The following SHANK2 variants were observed in gnomAD, a reference collection of about 807,000 sequenced individuals.
The protein encoded by SHANK2 is SH3 and multiple ankyrin repeat domains 2.
SHANK2 carries 43 observed loss-of-function variants against 133.7 expected under a neutral mutation model. The ratio of observed to expected loss-of-function variants is 0.32; its 90% CI spans 0.25 to 0.41. The LOEUF (loss-of-function observed/expected upper bound fraction) is 0.41, where lower values mean the gene tolerates loss of function less well. Among genes scored for constraint, SHANK2 ranks in the 10% least tolerant of loss-of-function variants. The pLI, the probability that SHANK2 is intolerant of heterozygous loss-of-function variation, is 1.00. For synonymous variants in SHANK2, 1,017 were observed against 952.8 expected, an observed-to-expected ratio of 1.07 and a Z score of -1.24; for missense variants, 1,994 against 2,235.8, an observed-to-expected ratio of 0.89 and a Z score of 2.18.
intron 2 of SHANK2, among the ~76,000 whole-genome samples, chr11:71,204,394 C>A (rs112739429): frequency 6.6e-6 from 1 of 152,096 alleles, no homozygotes; most frequent in Non-Finnish European, 1.5e-5. Flanking sequence ...CAGGACCCAG[C>A]GCACCTCCCA....
intron 17 of SHANK2, among the ~76,000 whole-genome samples, chr11:70,529,050 CG>C (rs1410075297): frequency 6.6e-6 from 1 of 152,054 alleles, no homozygotes; most frequent in African/African-American, 2.4e-5. Context: ...TGGCTTGGGG[CG>C]GAACTCAGTG....
chr11:71,075,719 C>A (rs964749509), intron 8 of SHANK2, among the ~76,000 whole-genome samples: 205 of 152,322 alleles, frequency 1.3e-3, no homozygotes, highest in African/African-American at 4.8e-3. Flanking sequence ...CCAGGAGAGG[C>A]CTTCACAGCC....
chr11:70,710,043 G>A (rs1286347256), intron 14 of SHANK2, among the ~76,000 whole-genome samples: 1 of 152,128 alleles, frequency 6.6e-6, no homozygotes, highest in African/African-American at 2.4e-5. Context: ...AGGAAAGGGT[G>A]GGGCAGCAGA....
intron 2 of SHANK2, among the ~76,000 whole-genome samples, chr11:71,158,044 G>A (rs782422716): frequency 1.3e-5 from 2 of 152,128 alleles, no homozygotes; most frequent in Non-Finnish European, 2.9e-5. Flanking sequence ...TTGGAAAACT[G>A]GGAATAGAAG....
chr11:70,594,650 T>C (rs1380310449), intron 17 of SHANK2, among the ~76,000 whole-genome samples: 4 of 152,134 alleles, frequency 2.6e-5, no homozygotes, highest in African/African-American at 9.7e-5. Context: ...GGTTTCATTC[T>C]AAGGTGAGGA....
At chr11:70,589,660 A>G (rs1691027299) in intron 17 of SHANK2, among the ~76,000 whole-genome samples, 1 of 152,216 alleles carries the variant, frequency 6.6e-6, no homozygotes, top group South Asian at 2.1e-4. Flanking sequence ...GGATCTCGGC[A>G]AAGTCAATTG....
intron 22 of SHANK2, among the ~76,000 whole-genome samples, chr11:70,490,695 C>T (rs1157019878): frequency 7.2e-5 from 11 of 152,226 alleles, no homozygotes; most frequent in African/African-American, 1.7e-4. Flanking sequence ...TGGACAGATA[C>T]GTCTCTCTGA....
At chr11:70,842,845 C>CT (rs1435523687) in intron 11 of SHANK2, among the ~76,000 whole-genome samples, 1 of 152,222 alleles carries the variant, frequency 6.6e-6, no homozygotes, top group Non-Finnish European at 1.5e-5. Flanking sequence ...ACGGTTTCCT[C>CT]TCAGCATCTG....
intron 11 of SHANK2, chr11:70,863,588 AG>A (rs1443407935): frequency 2.2e-6 from 1 of 455,056 alleles, no homozygotes; most frequent in Non-Finnish European, 4.4e-6. Context: ...AAAATAACTC[AG>A]GCTGGTGCAA....
chr11:70,756,196 G>A (rs1466431568), intron 14 of SHANK2, among the ~76,000 whole-genome samples: 3 of 152,154 alleles, frequency 2.0e-5, no homozygotes, highest in South Asian at 2.1e-4. Flanking sequence ...CCAGACTCCA[G>A]GCTGGAGGTC....
rs186619310 is a variant in SHANK2, at chr11:71,208,263, G to A, written c.-13+16434C>T. ...GTTGAGTGGGATGTGCCAGGGCAGGGAGAAGCTGTCCTGGGAAGGAGGGCA... is the reference window on the plus strand; with the variant it reads ...GTTGAGTGGGATGTGCCAGGGCAGGAAGAAGCTGTCCTGGGAAGGAGGGCA... On this transcript the variant is annotated intron_variant, in intron 2 of 25. Transcript: ENST00000601538. 3.8e-3 allele frequency among the ~76,000 whole-genome samples: 585 copies of A among 152,158 alleles called. 3 individuals carry two copies. Among genetic ancestry groups the A allele is most frequent in the Non-Finnish European group, 7.0e-3 (477 of 67,990 alleles).
chr11:70,797,394 G>A (rs1342603661), intron 14 of SHANK2, among the ~76,000 whole-genome samples: 1 of 152,210 alleles, frequency 6.6e-6, no homozygotes, highest in Non-Finnish European at 1.5e-5. Flanking sequence ...GTCTAAGCCT[G>A]AGCAGGGACT....
chr11:71,218,700 C>A (rs1161964733), intron 2 of SHANK2, among the ~76,000 whole-genome samples: 1 of 152,184 alleles, frequency 6.6e-6, no homozygotes, highest in Non-Finnish European at 1.5e-5. Context: ...TCTCCATCAA[C>A]TCCAAGGTCT....
At chr11:70,702,602 T>C (rs1723109940) in intron 14 of SHANK2, among the ~76,000 whole-genome samples, 1 of 152,226 alleles carries the variant, frequency 6.6e-6, no homozygotes, top group Non-Finnish European at 1.5e-5. Context: ...ACCATCATCA[T>C]TGCCATTATC....
At chr11:71,074,652 G>C (rs1951195094) in intron 9 of SHANK2, among the ~76,000 whole-genome samples, 1 of 152,124 alleles carries the variant, frequency 6.6e-6, no homozygotes, top group Non-Finnish European at 1.5e-5. Flanking sequence ...TTTCATCTTA[G>C]ACTAAACTTT....
chr11:70,489,153 G>T (rs749839953), intron 24 of SHANK2, 175 bp downstream of exon 24: 93 of 662,184 alleles, frequency 1.4e-4, no homozygotes, highest in Non-Finnish European at 2.3e-4. Context: ...CTCCTTGTGG[G>T]AGGACATTTT....
intron 11 of SHANK2, among the ~76,000 whole-genome samples, chr11:70,821,138 A>T (rs1245772423): frequency 2.6e-5 from 4 of 152,150 alleles, no homozygotes; most frequent in African/African-American, 9.7e-5. Context: ...TTGACGTCCT[A>T]AACCCCAGTT....
chr11:70,907,348 C>G (rs1373413761), intron 10 of SHANK2, among the ~76,000 whole-genome samples: 1 of 152,142 alleles, frequency 6.6e-6, no homozygotes, highest in Non-Finnish European at 1.5e-5. Flanking sequence ...AAGGGGACCC[C>G]CTGGGTTGTG....
intron 14 of SHANK2, among the ~76,000 whole-genome samples, chr11:70,729,723 C>T (rs558467895): frequency 5.3e-4 from 80 of 150,448 alleles, no homozygotes; most frequent in African/African-American, 1.8e-3. Context: ...TTAGTAGAGA[C>T]GGGGTTTCAC....
Sources: allele counts gnomAD v4.1 joint callset (sites outside exome capture counted in the v4.1 genomes callset), GRCh38; gene constraint gnomAD v4.1.1; transcripts MANE v1.5; gene names NCBI Gene and HGNC (gene_info 2026-07-23, HGNC 2026-07-21).